The following UBE2G1 variants were observed in gnomAD, a reference collection of about 807,000 sequenced individuals.
UBE2G1 encodes the protein ubiquitin conjugating enzyme E2 G1.
UBE2G1 carries 5 observed loss-of-function variants against 22.7 expected under a neutral mutation model. The observed-to-expected ratio is 0.22, with a 90% CI of 0.12 to 0.46. UBE2G1 has a LOEUF of 0.46. Among genes scored for constraint, UBE2G1 ranks in the 20% least tolerant of loss-of-function variants. UBE2G1 has a pLI of 0.99. For synonymous variants in UBE2G1, 74 were observed against 67.5 expected (o/e 1.10, Z -0.47); for missense variants, 88 against 203.9 (o/e 0.43, Z 3.46).
intron 2 of UBE2G1, among the ~76,000 whole-genome samples, chr17:4,300,979 C>T (rs912441803): frequency 6.6e-6 from 1 of 151,770 alleles, no homozygotes; most frequent in African/African-American, 2.4e-5. Flanking sequence ...AGCAGTTTCA[C>T]ATTTGAAAGT....
intron 1 of UBE2G1, among the ~76,000 whole-genome samples, chr17:4,350,928 G>T (rs1433424637): frequency 6.6e-6 from 1 of 151,866 alleles, no homozygotes; most frequent in Admixed American, 6.6e-5. Context: ...AGCTACTCGG[G>T]AGGCTGAGGC....
chr17:4,326,423 C>T (rs748218194), intron 1 of UBE2G1, among the ~76,000 whole-genome samples: 1 of 152,140 alleles, frequency 6.6e-6, no homozygotes, highest in Non-Finnish European at 1.5e-5. Context: ...TAAACACACA[C>T]ACAGAAAATG....
intron 1 of UBE2G1, among the ~76,000 whole-genome samples, chr17:4,357,521 T>TGGGTGG (rs1969921777): frequency 6.9e-5 from 1 of 14,462 alleles, no homozygotes; most frequent in Non-Finnish European, 1.4e-4. Context: ...GGGGGGGGGG[T>TGGGTGG]GGGTGTATAA....
intron 1 of UBE2G1, among the ~76,000 whole-genome samples, chr17:4,351,455 T>C (rs1198284720): frequency 6.6e-6 from 1 of 152,200 alleles, no homozygotes; most frequent in Non-Finnish European, 1.5e-5. Flanking sequence ...GAGAATTTTG[T>C]TGTATCCATT....
intron 1 of UBE2G1, among the ~76,000 whole-genome samples, chr17:4,355,096 C>A (rs1361142836): frequency 6.6e-6 from 1 of 151,916 alleles, no homozygotes; most frequent in African/African-American, 2.4e-5. Context: ...TGTCTCAAAA[C>A]AAAACAAAGA....
At chr17:4,301,728 G>T in intron 2 of UBE2G1, 1 of 661,396 alleles carries the variant, frequency 1.5e-6, no homozygotes. Context: ...CTTGTGTTTG[G>T]ATTGGTGGGG....
Position 4,366,305 on chromosome 17 carries a change from C to A in UBE2G1, c.12G>T (p.Leu4=), listed in dbSNP as rs1356527650. 5.2e-6 allele frequency: 8 copies of A among 1,551,760 alleles called. No homozygotes were observed. The highest frequency in any genetic ancestry group is 6.9e-6 in the Non-Finnish European group (8 of 1,158,158). ...GTCTTCGCAGTAGCAGTGCCGACTG[C>A]AGCTCCGTCATCCTCCCTGCCGAGG... is the stretch of plus-strand genomic sequence containing the variant. MTE[L]QSALLLRRQL... is the part of the protein sequence containing the mutation. The change falls in exon 1 of 6, where the codon CTG becomes CTT. Residue 4 remains leucine (L), a synonymous_variant. Coordinates refer to ENST00000396981, the MANE Select transcript of UBE2G1 (RefSeq NM_003342.5).
In UBE2G1 at chr17:4,365,606, C is replaced by T. The variant is rs530093989; in HGVS notation, c.46+665G>A. The stretch of plus-strand genomic sequence containing the variant: ...AGCGAGCGGCTCTCCCCGCGGCCCG[C>T]TCCTACCCTCCCCCAGCCGGGCGGC... On this transcript the variant is annotated intron_variant, in intron 1 of 5. Transcript: ENST00000396981. Among the ~76,000 whole-genome samples the T allele has an allele frequency of 8.7e-3, 1,325 of 152,146 alleles. 10 individuals are homozygous for T. Among genetic ancestry groups the T allele is most frequent in the Non-Finnish European group, 0.013 (899 of 67,960 alleles).
intron 1 of UBE2G1, among the ~76,000 whole-genome samples, chr17:4,351,768 G>A (rs1969847031): frequency 6.6e-6 from 1 of 152,180 alleles, no homozygotes; most frequent in African/African-American, 2.4e-5. Flanking sequence ...TACCTAGGGT[G>A]AAAGAGTATC....
At chr17:4,300,057 C>G (rs1303154963) in intron 2 of UBE2G1, among the ~76,000 whole-genome samples, 4 of 147,854 alleles carry the variant, frequency 2.7e-5, no homozygotes, top group African/African-American at 5.0e-5. Flanking sequence ...GAACTCCTGA[C>G]CTTCTGAGCC....
chr17:4,335,156 T>C (rs1443500333), intron 1 of UBE2G1: 1 of 152,052 alleles, frequency 6.6e-6, no homozygotes, highest in Non-Finnish European at 1.5e-5. Flanking sequence ...AATGAATGCA[T>C]ATTAAAAGGT....
At position 4,336,892 on chromosome 17, in the gene UBE2G1, G is replaced by C. The variant is rs74985686; in HGVS notation, c.46+29379C>G. On this transcript the variant is annotated intron_variant, in intron 1 of 5. Coordinates refer to ENST00000396981, the MANE Select transcript of UBE2G1 (RefSeq NM_003342.5). ...AATGGCTGAACATGTGAAAGAATGA[G>C]ATCAAGTCTCTATGCAACAGTTATA... is the stretch of plus-strand genomic sequence containing the variant. 6.5e-3 allele frequency among the ~76,000 whole-genome samples: 982 copies of C among 152,148 alleles called. 2 individuals carry two copies. Among genetic ancestry groups the C allele is most frequent in the South Asian group, 0.028 (134 of 4,828 alleles).
At chr17:4,325,863 T>C (rs1416550262) in intron 1 of UBE2G1, among the ~76,000 whole-genome samples, 1 of 152,152 alleles carries the variant, frequency 6.6e-6, no homozygotes, top group East Asian at 1.9e-4. Flanking sequence ...GACCGCTCAA[T>C]GAGGAAAGAA....
At chr17:4,346,431 CTTTTTTTT>C (rs67852481) in intron 1 of UBE2G1, among the ~76,000 whole-genome samples, 4 of 120,524 alleles carry the variant, frequency 3.3e-5, no homozygotes, top group South Asian at 2.6e-4. Context: ...TTTTCTTCTT[CTTTTTTTT>C]TTTTTTTTTT....
chr17:4,273,355 GTTAT>G (rs1309719843), intron 5 of UBE2G1, among the ~76,000 whole-genome samples: 3 of 152,206 alleles, frequency 2.0e-5, no homozygotes, highest in South Asian at 2.1e-4. Context: ...GTTTTTGTTT[GTTAT>G]TTATTTGAGA....
chr17:4,295,323 A>C (rs150411115), intron 3 of UBE2G1, among the ~76,000 whole-genome samples: 6 of 152,296 alleles, frequency 3.9e-5, no homozygotes, highest in Middle Eastern at 6.8e-3. Context: ...GGTAGGAAAA[A>C]TCACTATCTT....
intron 1 of UBE2G1, among the ~76,000 whole-genome samples, chr17:4,310,705 C>T (rs1969300002): frequency 6.6e-6 from 1 of 152,062 alleles, no homozygotes; most frequent in Non-Finnish European, 1.5e-5. Flanking sequence ...ATGAGATTTA[C>T]ATTTGCAAAA....
rs1170819639 is a variant in UBE2G1 at position 4,270,936 on chromosome 17, C to T, written c.*1618G>A. 2 of 152,166 alleles carry T rather than the reference C, an allele frequency of 1.3e-5. No homozygotes were observed. Among genetic ancestry groups the T allele is most frequent in the Non-Finnish European group, 2.9e-5 (2 of 68,038 alleles). The allele number at this position is 152,166 out of a possible 1,614,324, so 9.4% of individuals were successfully genotyped here. A position where few individuals can be genotyped will look rare whatever the true frequency, so the allele number is the denominator to read the frequency against. ...TCACTCTTCTGCCAAAGCATTTCTC[C>T]AAACCCCACAGAGCAGAGATGCACG... On this transcript the variant is annotated 3_prime_UTR_variant, in exon 6 of 6. Coordinates refer to ENST00000396981, the MANE Select transcript of UBE2G1 (RefSeq NM_003342.5).
chr17:4,353,845 TCTCA>T (rs1194241348), intron 1 of UBE2G1, among the ~76,000 whole-genome samples: 1 of 116,112 alleles, frequency 8.6e-6, no homozygotes, highest in Non-Finnish European at 1.7e-5. Flanking sequence ...TGAGACAGAG[TCTCA>T]CTCAGTCACC....
Sources: gnomAD v4.1 joint callset for allele counts (sites outside exome capture counted in the v4.1 genomes callset) on GRCh38, gnomAD v4.1.1 for gene constraint, MANE v1.5 for transcripts, NCBI Gene and HGNC (gene_info 2026-07-23, HGNC 2026-07-21) for gene names.